The following FHIP2A variants were observed in gnomAD, a reference collection of about 807,000 sequenced individuals.
The protein encoded by FHIP2A is family with sequence similarity 160 member B1.
Under a neutral mutation model 93.5 loss-of-function variants are expected in FHIP2A, and 46 were observed. The observed-to-expected ratio is 0.49, with a 90% CI of 0.39 to 0.63. FHIP2A has a LOEUF of 0.63. FHIP2A is among the 20% of genes least tolerant of loss of function. FHIP2A has a pLI of 0.00. For synonymous variants in FHIP2A, 332 were observed against 326.5 expected (o/e 1.02, Z -0.18); for missense variants, 769 against 909.7 (o/e 0.85, Z 1.99).
rs1156641096 is a variant in FHIP2A at position 114,861,227 on chromosome 10, G to A, written c.2089-4G>A. 4 of 1,613,980 alleles carry A rather than the reference G, an allele frequency of 2.5e-6. No individual in the cohort carries two copies. The highest frequency in any genetic ancestry group is 1.7e-5 in the Admixed American group (1 of 59,982). On this transcript the variant is annotated splice_region_variant and splice_polypyrimidine_tract_variant and intron_variant, in intron 15 of 16. Coordinates refer to ENST00000369248, the MANE Select transcript of FHIP2A (RefSeq NM_020940.4). ...AACTGAAGTGCCTTGCCTCTGTGAT[G>A]CAGGTTGTTGGAGACCTTATGCTTC...
Position 114,863,055 on chromosome 10 carries a change from T to C in FHIP2A, c.*1515T>C. On this transcript the variant is annotated 3_prime_UTR_variant, in exon 17 of 17. Coordinates refer to ENST00000369248, the MANE Select transcript of FHIP2A (RefSeq NM_020940.4). ...GAACAGAATATCAAAAGATTATGAA[T>C]AGCCTCAGCTCTAGAATGCTTACCA... The C allele has an allele frequency of 2.0e-6, 2 of 984,534 alleles. No homozygotes were observed. Among genetic ancestry groups the C allele is most frequent in the Non-Finnish European group, 2.4e-6 (2 of 829,078 alleles). 61.0% of individuals were successfully genotyped at this position (984,534 alleles called of 1,614,324 possible).
chr10:114,830,518 T>TA (rs777283830), intron 1 of FHIP2A, among the ~76,000 whole-genome samples: 9 of 152,132 alleles, frequency 5.9e-5, no homozygotes, highest in Non-Finnish European at 8.8e-5. Flanking sequence ...GTGATTCACC[T>TA]ACCTCAGCCT....
At chr10:114,880,204 G>A (rs1057467294) in intron 16 of FHIP2A, among the ~76,000 whole-genome samples, 3 of 152,202 alleles carry the variant, frequency 2.0e-5, no homozygotes, top group African/African-American at 4.8e-5. Context: ...AAGGCTGGGG[G>A]TTGGAGGCGG....
chr10:114,829,779 CTT>C (rs1341949225), intron 1 of FHIP2A, among the ~76,000 whole-genome samples: 2 of 152,212 alleles, frequency 1.3e-5, no homozygotes, highest in Non-Finnish European at 2.9e-5. Flanking sequence ...CTCTCACTCT[CTT>C]TCACTCTTTA....
At chr10:114,851,894 C>T (rs2083739183) in intron 13 of FHIP2A, among the ~76,000 whole-genome samples, 2 of 152,190 alleles carry the variant, frequency 1.3e-5, no homozygotes, top group South Asian at 4.1e-4. Context: ...TCATAGTTTT[C>T]AGTGTACAAG....
At chr10:114,887,850 A>G (rs1012173536) in intron 16 of FHIP2A, among the ~76,000 whole-genome samples, 1 of 152,238 alleles carries the variant, frequency 6.6e-6, no homozygotes, top group Non-Finnish European at 1.5e-5. Context: ...TAAAGAATTA[A>G]TATGGGAAAT....
downstream of FHIP2A, among the ~76,000 whole-genome samples, chr10:114,867,866 T>G (rs1194644254): frequency 6.6e-6 from 1 of 152,142 alleles, no homozygotes; most frequent in African/African-American, 2.4e-5. Flanking sequence ...TACCTAGTCT[T>G]CTTGAGGTGG....
chr10:114,829,439 C>T (rs2143009742), intron 1 of FHIP2A, among the ~76,000 whole-genome samples: 1 of 152,346 alleles, frequency 6.6e-6, no homozygotes, highest in East Asian at 1.9e-4. Flanking sequence ...TGAAGGCTGT[C>T]ATGGCACTAG....
chr10:114,876,821 C>G (rs755692560), intron 16 of FHIP2A, among the ~76,000 whole-genome samples: 5 of 152,156 alleles, frequency 3.3e-5, no homozygotes, highest in Admixed American at 6.5e-5. Flanking sequence ...GCACCCCACT[C>G]GCCTCAGACT....
chr10:114,889,621 C>G (rs571235514), intron 16 of FHIP2A, among the ~76,000 whole-genome samples: 1 of 152,336 alleles, frequency 6.6e-6, no homozygotes, highest in African/African-American at 2.4e-5. Context: ...CTTCAGGGCT[C>G]CATCATCCCT....
intron 5 of FHIP2A, among the ~76,000 whole-genome samples, chr10:114,842,615 A>G (rs1320502925): frequency 1.3e-5 from 2 of 152,192 alleles, no homozygotes; most frequent in Non-Finnish European, 2.9e-5. Context: ...GTTAACTGCA[A>G]TTGAAACCTC....
chr10:114,843,307 A>C (rs2083680529), intron 6 of FHIP2A, 81 bp downstream of exon 6: 1 of 1,000,754 alleles, frequency 1.0e-6, no homozygotes, highest in South Asian at 4.5e-5. Flanking sequence ...TTTAATTTTT[A>C]ATTTATTTTT....
intron 16 of FHIP2A, among the ~76,000 whole-genome samples, chr10:114,895,510 G>A (rs1315183893): frequency 6.6e-6 from 1 of 152,138 alleles, no homozygotes; most frequent in Non-Finnish European, 1.5e-5. Flanking sequence ...TTGAGAGTCT[G>A]TACAATCCTT....
chr10:114,882,035 C>A (rs978259048), intron 16 of FHIP2A, among the ~76,000 whole-genome samples: 6 of 152,232 alleles, frequency 3.9e-5, no homozygotes, highest in Admixed American at 1.3e-4. Context: ...TTTGGATCTT[C>A]CTGTCTGGCC....
At chr10:114,849,912 G>C (rs1427987091) in intron 13 of FHIP2A, among the ~76,000 whole-genome samples, 2 of 152,164 alleles carry the variant, frequency 1.3e-5, no homozygotes, top group African/African-American at 4.8e-5. Flanking sequence ...TCAGTGTAAG[G>C]TCATGTTTTC....
intron 16 of FHIP2A, among the ~76,000 whole-genome samples, chr10:114,880,172 G>C (rs1167186742): frequency 6.6e-6 from 1 of 152,144 alleles, no homozygotes; most frequent in Non-Finnish European, 1.5e-5. Flanking sequence ...TATACAGACA[G>C]GAAGTAAACT....
At chr10:114,826,488 C>G (rs60460075) in intron 1 of FHIP2A, among the ~76,000 whole-genome samples, 1 of 152,270 alleles carries the variant, frequency 6.6e-6, no homozygotes, top group South Asian at 2.1e-4. Flanking sequence ...AGTGCAGTGC[C>G]TGGCACATAA....
chr10:114,860,641 TG>T (rs2083792150), intron 14 of FHIP2A, 107 bp from the exon 15 acceptor site: 1 of 929,990 alleles, frequency 1.1e-6, no homozygotes, highest in Non-Finnish European at 1.7e-6. Context: ...TGTGAGCCAC[TG>T]GGCCTGGCCA....
intron 3 of FHIP2A, among the ~76,000 whole-genome samples, chr10:114,835,314 A>G (rs1222711018): frequency 2.0e-5 from 3 of 152,216 alleles, no homozygotes; most frequent in Non-Finnish European, 4.4e-5. Flanking sequence ...GTGGTCTCAC[A>G]TGCTGTGTTA....
Sources: gnomAD v4.1 joint callset for allele counts (sites outside exome capture counted in the v4.1 genomes callset) on GRCh38, gnomAD v4.1.1 for gene constraint, MANE v1.5 for transcripts, NCBI Gene and HGNC (gene_info 2026-07-23, HGNC 2026-07-21) for gene names.